Variants in AMPH observed in about 807,000 individuals in gnomAD.
AMPH encodes amphiphysin, also known as amphiphysin (Stiff-Mann syndrome with breast cancer 128kD autoantigen).
Under a neutral mutation model 99.1 loss-of-function variants are expected in AMPH, and 49 were observed. The observed-to-expected ratio is 0.49, with a 90% CI of 0.39 to 0.63. AMPH has a LOEUF of 0.63. Ranked by LOEUF, AMPH falls within the 20% of genes least tolerant of loss-of-function variation. The pLI, the probability that AMPH is intolerant of heterozygous loss-of-function variation, is 0.00. For synonymous variants in AMPH, 314 were observed against 317.3 expected (o/e 0.99, Z 0.11); for missense variants, 759 against 863.4 (o/e 0.88, Z 1.52).
chr7:38,446,768 A>G (rs1307235174), intron 11 of AMPH, among the ~76,000 whole-genome samples: 1 of 152,206 alleles, frequency 6.6e-6, no homozygotes, highest in Non-Finnish European at 1.5e-5. Flanking sequence ...GTAAACATGT[A>G]CAGTTTATTG....
intron 1 of AMPH, among the ~76,000 whole-genome samples, chr7:38,592,797 C>T (rs1227285549): frequency 6.6e-6 from 1 of 151,882 alleles, no homozygotes; most frequent in Non-Finnish European, 1.5e-5. Context: ...GGGCCAGCTA[C>T]TGAGACTCCC....
chr7:38,467,711 A>G (rs528504821), intron 7 of AMPH, among the ~76,000 whole-genome samples: 1 of 151,774 alleles, frequency 6.6e-6, no homozygotes, highest in South Asian at 2.1e-4. Context: ...TATATATATT[A>G]GAAATAAGCA....
At chr7:38,571,960 C>T (rs112247995) in intron 1 of AMPH, among the ~76,000 whole-genome samples, 6,355 of 151,304 alleles carry the variant, frequency 0.042, 440 homozygotes, top group African/African-American at 0.15. Flanking sequence ...GGCTGGAGTG[C>T]AATGGCACAA....
chr7:38,396,166 T>G (rs1784663037), intron 17 of AMPH, among the ~76,000 whole-genome samples: 1 of 152,172 alleles, frequency 6.6e-6, no homozygotes, highest in African/African-American at 2.4e-5. Flanking sequence ...GTGACATGGT[T>G]TGGCTCTGTG....
At chr7:38,616,579 A>G (rs1793879660) in intron 1 of AMPH, among the ~76,000 whole-genome samples, 1 of 152,234 alleles carries the variant, frequency 6.6e-6, no homozygotes, top group Non-Finnish European at 1.5e-5. Context: ...CTAATACTGG[A>G]AACAGACAAA....
At chr7:38,533,102 A>G (rs1320895739) in intron 2 of AMPH, among the ~76,000 whole-genome samples, 1 of 152,160 alleles carries the variant, frequency 6.6e-6, no homozygotes, top group Non-Finnish European at 1.5e-5. Context: ...CCTGCAATCC[A>G]AGACAATGAT....
At chr7:38,595,930 G>C (rs1340105885) in intron 1 of AMPH, among the ~76,000 whole-genome samples, 1 of 152,184 alleles carries the variant, frequency 6.6e-6, no homozygotes, top group East Asian at 1.9e-4. Context: ...GTATTCCATA[G>C]TGTATCTGTA....
At chr7:38,455,869 A>G (rs1158017216) in intron 11 of AMPH, among the ~76,000 whole-genome samples, 3 of 152,252 alleles carry the variant, frequency 2.0e-5, no homozygotes, top group Admixed American at 2.0e-4. Context: ...TGCCACTGTC[A>G]TGGCCAGGCC....
chr7:38,459,983 C>T (rs1035644379), intron 11 of AMPH, among the ~76,000 whole-genome samples: 1 of 151,624 alleles, frequency 6.6e-6, no homozygotes, highest in Non-Finnish European at 1.5e-5. Flanking sequence ...AGGAACTCAA[C>T]TCAATAATTA....
At chr7:38,576,267 A>G (rs1407360308) in intron 1 of AMPH, among the ~76,000 whole-genome samples, 9 of 152,142 alleles carry the variant, frequency 5.9e-5, no homozygotes, top group African/African-American at 2.2e-4. Context: ...ACAAAACAAA[A>G]CAACTTCTTA....
chr7:38,495,300 G>C (rs958800640), intron 3 of AMPH, among the ~76,000 whole-genome samples: 3 of 152,098 alleles, frequency 2.0e-5, no homozygotes, highest in African/African-American at 7.2e-5. Context: ...ATTGAACATT[G>C]AAATAAATGA....
chr7:38,507,249 A>G (rs1430467800), intron 2 of AMPH, among the ~76,000 whole-genome samples: 1 of 152,200 alleles, frequency 6.6e-6, no homozygotes, highest in African/African-American at 2.4e-5. Context: ...TTTATATAAG[A>G]GTGGAACAAA....
At chr7:38,474,308 G>C (rs1451095424) in intron 7 of AMPH, among the ~76,000 whole-genome samples, 1 of 152,084 alleles carries the variant, frequency 6.6e-6, no homozygotes, top group Non-Finnish European at 1.5e-5. Flanking sequence ...CAGATGTAGA[G>C]AGAATGAGTA....
In AMPH at chr7:38,391,951, T is replaced by A. The variant is rs775256845; in HGVS notation, c.1675A>T (p.Ile559Leu). The A allele has an allele frequency of 3.7e-6, 6 of 1,611,990 alleles. No individual in the cohort carries two copies. Among genetic ancestry groups the A allele is most frequent in the Non-Finnish European group, 4.2e-6 (5 of 1,179,990 alleles). Residue 559 changes from isoleucine (I) to leucine (L), a missense_variant, in exon 19 of 21, where the codon ATA becomes TTA. Coordinates refer to ENST00000356264, the MANE Select transcript of AMPH (RefSeq NM_001635.4). ...TCCTTGGGCTCTGCACCTATAGTTA[T>A]TTCGTTTTCTCCTTCCTCTTCATGG... ...SNHEEEGENE[I>L]TIGAEPKETT... is the part of the protein sequence containing the mutation.
chr7:38,573,866 TAAC>T (rs1792136276), intron 1 of AMPH, among the ~76,000 whole-genome samples: 1 of 152,204 alleles, frequency 6.6e-6, no homozygotes, highest in South Asian at 2.1e-4. Context: ...ACTAATGTAG[TAAC>T]TCATTTAATT....
intron 1 of AMPH, among the ~76,000 whole-genome samples, chr7:38,610,308 A>AGG (rs1248477749): frequency 2.9e-5 from 1 of 34,346 alleles, no homozygotes; most frequent in Admixed American, 3.3e-4. Flanking sequence ...AAAGAAAAGA[A>AGG]AAGAAAAGAA....
intron 20 of AMPH, among the ~76,000 whole-genome samples, chr7:38,387,007 G>A (rs1451793524): frequency 2.0e-5 from 3 of 152,168 alleles, no homozygotes; most frequent in Non-Finnish European, 4.4e-5. Flanking sequence ...GTATCCTAAC[G>A]TATGTGGATA....
intron 1 of AMPH, among the ~76,000 whole-genome samples, chr7:38,617,428 C>A (rs150213762): frequency 6.6e-6 from 1 of 152,182 alleles, no homozygotes; most frequent in African/African-American, 2.4e-5. Flanking sequence ...AATAACAGAT[C>A]AAAATAATTA....
At chr7:38,441,777 ATCATATATC>A (rs1488024359) in intron 11 of AMPH, among the ~76,000 whole-genome samples, 1 of 129,108 alleles carries the variant, frequency 7.7e-6, no homozygotes. Context: ...TATGATATAT[ATCATATATC>A]TGTCATATAT....
Sources: allele counts gnomAD v4.1 joint callset (sites outside exome capture counted in the v4.1 genomes callset), GRCh38; gene constraint gnomAD v4.1.1; transcripts MANE v1.5; gene names NCBI Gene and HGNC (gene_info 2026-07-23, HGNC 2026-07-21).